Variants in CD38 observed in about 807,000 individuals in gnomAD.
CD38 encodes CD38 molecule, also known as ADP-ribosyl cyclase/cyclic ADP-ribose hydrolase 1.
Under a neutral mutation model 36.3 loss-of-function variants are expected in CD38, and 31 were observed. The observed-to-expected ratio is 0.85, with a 90% CI of 0.64 to 1.15. The LOEUF (loss-of-function observed/expected upper bound fraction) is 1.15, where lower values mean the gene tolerates loss of function less well. Ranked by LOEUF, CD38 falls within the 50% of genes most tolerant of loss-of-function variation. The pLI is 0.00. For missense variants in CD38, 380 were observed against 371.9 expected (o/e 1.02, Z -0.18); for synonymous variants, 131 against 135.2 (o/e 0.97, Z 0.22).
intron 1 of CD38, among the ~76,000 whole-genome samples, chr4:15,799,816 C>T (rs1723178878): frequency 6.6e-6 from 1 of 152,186 alleles, no homozygotes; most frequent in African/African-American, 2.4e-5. Context: ...AATCACTTCT[C>T]TTCTAACTAC....
At chr4:15,824,860 A>T (rs746811693) in intron 2 of CD38, 21 bp from the exon 3 acceptor site, 1 of 1,600,696 alleles carries the variant, frequency 6.2e-7, no homozygotes, top group Non-Finnish European at 8.5e-7. Context: ...TCAGTAATAG[A>T]TTGTATTTAT....
At chr4:15,786,753 G>A (rs1030622492) in intron 1 of CD38, among the ~76,000 whole-genome samples, 3 of 152,254 alleles carry the variant, frequency 2.0e-5, no homozygotes, top group Non-Finnish European at 2.9e-5. Context: ...GCCCTTGGAC[G>A]GTGGATGGGA....
chr4:15,824,535 T>G (rs184963018), intron 2 of CD38, among the ~76,000 whole-genome samples: 1 of 152,170 alleles, frequency 6.6e-6, no homozygotes, highest in Admixed American at 6.5e-5. Flanking sequence ...AGACAAAGTT[T>G]TTTTGGAGAT....
At chr4:15,814,523 T>C (rs547176373) in intron 1 of CD38, among the ~76,000 whole-genome samples, 3 of 152,354 alleles carry the variant, frequency 2.0e-5, no homozygotes, top group Non-Finnish European at 4.4e-5. Flanking sequence ...CCCATGCCTA[T>C]GTCCTGAATG....
chr4:15,835,174 T>C (rs970630796), intron 4 of CD38, among the ~76,000 whole-genome samples: 4 of 151,884 alleles, frequency 2.6e-5, no homozygotes, highest in African/African-American at 9.7e-5. Flanking sequence ...TCTCTACCTA[T>C]CTCCTCCTCC....
At chr4:15,801,749 A>G (rs1723228942) in intron 1 of CD38, among the ~76,000 whole-genome samples, 1 of 152,164 alleles carries the variant, frequency 6.6e-6, no homozygotes, top group African/African-American at 2.4e-5. Flanking sequence ...ACATCCCTCC[A>G]TGATAAAAAC....
chr4:15,791,007 C>T (rs1317745459), intron 1 of CD38, among the ~76,000 whole-genome samples: 2 of 144,832 alleles, frequency 1.4e-5, no homozygotes, highest in African/African-American at 2.6e-5. Flanking sequence ...AAGTGAGGAG[C>T]GTCTCCGCCC....
chr4:15,848,730 G>C lies in CD38; in HGVS notation c.*128G>C, dbSNP rs890827512. 1.6e-6 allele frequency: 1 copy of C among 623,720 alleles called. No homozygotes were observed. The highest frequency in any genetic ancestry group is 2.7e-4 in the Middle Eastern group (1 of 3,768). The allele number at this position is 623,720 out of a possible 1,614,324, so 38.6% of individuals were successfully genotyped here. ...CCTCCACAATAAGGTCAATGCCAGAGACGGAAGCCTTTTTCCCCAAAGTCT... is the reference window on the plus strand; with the variant it reads ...CCTCCACAATAAGGTCAATGCCAGACACGGAAGCCTTTTTCCCCAAAGTCT... On this transcript the variant is annotated 3_prime_UTR_variant, in exon 8 of 8. Coordinates refer to ENST00000226279, the MANE Select transcript of CD38 (RefSeq NM_001775.4).
chr4:15,792,844 T>C (rs1723033934), intron 1 of CD38, among the ~76,000 whole-genome samples: 1 of 152,220 alleles, frequency 6.6e-6, no homozygotes, highest in African/African-American at 2.4e-5. Context: ...TTCCATGATT[T>C]TCTTTAAAAT....
At chr4:15,822,641 T>A (rs559427316) in intron 2 of CD38, among the ~76,000 whole-genome samples, 2 of 152,256 alleles carry the variant, frequency 1.3e-5, no homozygotes, top group African/African-American at 2.4e-5. Context: ...GTGAAGGACC[T>A]CTTCATGGAT....
intron 3 of CD38, among the ~76,000 whole-genome samples, chr4:15,833,717 T>C (rs1283413551): frequency 2.0e-5 from 3 of 152,252 alleles, no homozygotes; most frequent in Admixed American, 2.0e-4. Flanking sequence ...ATTCATGCTC[T>C]GTGTCCATTG....
At chr4:15,791,030 G>A (rs1303494946) in intron 1 of CD38, among the ~76,000 whole-genome samples, 16 of 139,498 alleles carry the variant, frequency 1.1e-4, no homozygotes, top group African/African-American at 3.7e-4. Flanking sequence ...CAGCCACCCC[G>A]TCCGGGAGGG....
intron 1 of CD38, among the ~76,000 whole-genome samples, chr4:15,794,673 G>T (rs1231551073): frequency 6.6e-6 from 1 of 152,140 alleles, no homozygotes; most frequent in Non-Finnish European, 1.5e-5. Context: ...AGATTGTTGT[G>T]CACAGACAAC....
chr4:15,809,847 A>G (rs577516061), intron 1 of CD38, among the ~76,000 whole-genome samples: 14 of 152,326 alleles, frequency 9.2e-5, no homozygotes, highest in Admixed American at 7.2e-4. Context: ...TTTAGTTGGA[A>G]AGATCTGCCC....
At chr4:15,835,005 T>A (rs996991379) in intron 4 of CD38, among the ~76,000 whole-genome samples, 1 of 152,192 alleles carries the variant, frequency 6.6e-6, no homozygotes, top group African/African-American at 2.4e-5. Flanking sequence ...AACATATCTG[T>A]CATCTCGAAC....
At chr4:15,802,010 A>G (rs1488867475) in intron 1 of CD38, among the ~76,000 whole-genome samples, 1 of 152,140 alleles carries the variant, frequency 6.6e-6, no homozygotes, top group Non-Finnish European at 1.5e-5. Context: ...CAAATTGACC[A>G]TGTTTGCAGA....
At chr4:15,785,641 A>AT (rs932628780) in intron 1 of CD38, among the ~76,000 whole-genome samples, 1 of 151,674 alleles carries the variant, frequency 6.6e-6, no homozygotes, top group African/African-American at 2.4e-5. Context: ...CAGTTTAGAT[A>AT]TTTTGGAGGG....
chr4:15,819,145 A>G (rs1022441057), intron 2 of CD38, among the ~76,000 whole-genome samples: 1 of 152,164 alleles, frequency 6.6e-6, no homozygotes, highest in Non-Finnish European at 1.5e-5. Flanking sequence ...GTGAGAACAC[A>G]TGGACACAGG....
intron 4 of CD38, among the ~76,000 whole-genome samples, chr4:15,835,620 C>T (rs754686548): frequency 1.3e-5 from 2 of 151,462 alleles, no homozygotes; most frequent in African/African-American, 2.4e-5. Flanking sequence ...TCAGGTGATC[C>T]GCCAGCCTTG....
Sources: gnomAD v4.1 joint callset for allele counts (sites outside exome capture counted in the v4.1 genomes callset) on GRCh38, gnomAD v4.1.1 for gene constraint, MANE v1.5 for transcripts, NCBI Gene and HGNC (gene_info 2026-07-23, HGNC 2026-07-21) for gene names.